PRDM16: variants seen among roughly 807,000 people sequenced by gnomAD.
The protein encoded by PRDM16 is histone-lysine N-methyltransferase PRDM16.
Under a neutral mutation model 110.6 loss-of-function variants are expected in PRDM16, and 23 were observed. That is an observed-to-expected ratio of 0.21 (90% CI 0.15 to 0.29). PRDM16 has a LOEUF of 0.29. PRDM16 is among the 10% of genes least tolerant of loss of function. The pLI is 1.00. For missense variants in PRDM16, 1,615 were observed against 1,794.3 expected, an observed-to-expected ratio of 0.90 and a Z score of 1.81; for synonymous variants, 799 against 781.8, an observed-to-expected ratio of 1.02 and a Z score of -0.37.
chr1:3,196,273 T>C (rs1156302825), intron 2 of PRDM16, among the ~76,000 whole-genome samples: 1 of 152,234 alleles, frequency 6.6e-6, no homozygotes, highest in African/African-American at 2.4e-5. Context: ...CAGTGCCTCA[T>C]GCTCCTGCCT....
At chr1:3,377,100 C>T (rs368209933) in intron 3 of PRDM16, among the ~76,000 whole-genome samples, 3 of 152,248 alleles carry the variant, frequency 2.0e-5, no homozygotes, top group East Asian at 1.9e-4. Flanking sequence ...GTGCCTATGA[C>T]AGCCCCATAG....
intron 1 of PRDM16, among the ~76,000 whole-genome samples, chr1:3,139,054 G>A (rs575780700): frequency 6.6e-6 from 1 of 152,178 alleles, no homozygotes; most frequent in African/African-American, 2.4e-5. Context: ...TTCAGTGGGG[G>A]CTTGGGGCCA....
chr1:3,132,115 T>G (rs1192334301), intron 1 of PRDM16, among the ~76,000 whole-genome samples: 5 of 152,288 alleles, frequency 3.3e-5, no homozygotes, highest in African/African-American at 1.2e-4. Context: ...GGGCACTTTT[T>G]AAAGGTTTAG....
At chr1:3,301,432 TG>T in intron 3 of PRDM16, among the ~76,000 whole-genome samples, 1 of 151,848 alleles carries the variant, frequency 6.6e-6, no homozygotes, top group Middle Eastern at 3.4e-3. Context: ...CATTTGTAGT[TG>T]GGGATATGTG....
chr1:3,195,494 A>C (rs888042119), intron 2 of PRDM16, among the ~76,000 whole-genome samples: 2 of 152,202 alleles, frequency 1.3e-5, no homozygotes, highest in Non-Finnish European at 2.9e-5. Context: ...TCACAAGCGA[A>C]AAAGGAAATA....
intron 1 of PRDM16, among the ~76,000 whole-genome samples, chr1:3,181,885 C>T (rs1232002256): frequency 3.8e-5 from 4 of 104,256 alleles, no homozygotes; most frequent in Admixed American, 2.1e-4. Flanking sequence ...GTCTTGCACA[C>T]GCAGTCTTAC....
intron 1 of PRDM16, among the ~76,000 whole-genome samples, chr1:3,181,666 A>ACG (rs200523426): frequency 3.1e-4 from 41 of 133,038 alleles, no homozygotes; most frequent in East Asian, 7.9e-4. Flanking sequence ...GGTCTTACAC[A>ACG]GTCTTACACG....
chr1:3,223,190 A>G (rs376750998), intron 2 of PRDM16, among the ~76,000 whole-genome samples: 7 of 142,826 alleles, frequency 4.9e-5, no homozygotes, highest in East Asian at 2.1e-4. Flanking sequence ...GCTCACTGCA[A>G]CCTCCGAAAA....
rs1569915487 is a variant in PRDM16, at chr1:3,245,284, T to C, written c.438+1147T>C. On this transcript the variant is annotated intron_variant, in intron 3 of 16. Transcript: ENST00000270722. The surrounding 1 kb of genome is among the most constrained non-coding windows in gnomAD (Gnocchi z 4.7). ...TTTTTCCCCCAAAGTCAAAGGAAAG[T>C]GCTGTGCTAGTCCTGCCAAACTCCC... Among the ~76,000 whole-genome samples, 1 of 152,224 alleles carries C rather than the reference T, an allele frequency of 6.6e-6. No individual in the cohort carries two copies. The highest frequency in any genetic ancestry group is 1.9e-4 in the East Asian group (1 of 5,162).
intron 3 of PRDM16, among the ~76,000 whole-genome samples, chr1:3,375,431 C>G (rs956873539): frequency 2.0e-5 from 3 of 152,246 alleles, no homozygotes; most frequent in African/African-American, 4.8e-5. Context: ...CCAGTGTGCT[C>G]CTTTATTTCT....
At chr1:3,176,359 G>A in intron 1 of PRDM16, among the ~76,000 whole-genome samples, 1 of 112,926 alleles carries the variant, frequency 8.9e-6, no homozygotes, top group African/African-American at 3.3e-5. Flanking sequence ...CTGTTCTCCT[G>A]GAGGCATTCA....
At chr1:3,321,574 GTGTT>G (rs150064778) in intron 3 of PRDM16, among the ~76,000 whole-genome samples, 3,935 of 151,582 alleles carry the variant, frequency 0.026, 278 homozygotes, top group East Asian at 0.23. Flanking sequence ...GTGTGTGAGA[GTGTT>G]TGGAGGTCAC....
chr1:3,346,233 C>T (rs1266593184), intron 3 of PRDM16, among the ~76,000 whole-genome samples: 1 of 152,226 alleles, frequency 6.6e-6, no homozygotes, highest in East Asian at 1.9e-4. Flanking sequence ...TCCCGTTGGC[C>T]CTGCCCCACG....
chr1:3,181,548 ACACG>A (rs149002142), intron 1 of PRDM16, among the ~76,000 whole-genome samples: 469 of 1,860 alleles, frequency 0.25, 155 homozygotes, highest in Admixed American at 0.32. Context: ...ACGGTCTTAC[ACACG>A]CAGTCTTACA....
Position 3,340,381 on chromosome 1 carries a change from G to A in PRDM16, c.439-44771G>A, listed in dbSNP as rs1032310761. 3.9e-5 allele frequency among the ~76,000 whole-genome samples: 6 copies of A among 152,178 alleles called. No homozygotes were observed. In the East Asian group the frequency reaches 7.7e-4, roughly 20 times the overall value. ...GATGGCACCAGTGTGAGGCAGGAGC[G>A]TTTACCTGATCCCCATCTCAGAGGT... On this transcript the variant is annotated intron_variant, in intron 3 of 16. Coordinates refer to ENST00000270722, the MANE Select transcript of PRDM16 (RefSeq NM_022114.4).
At chr1:3,236,643 G>T (rs1190495728) in intron 2 of PRDM16, among the ~76,000 whole-genome samples, 1 of 152,178 alleles carries the variant, frequency 6.6e-6, no homozygotes, top group Non-Finnish European at 1.5e-5. Flanking sequence ...AAAAGGGGCT[G>T]CCCAGCCCTG....
At chr1:3,310,893 G>A (rs1428468192) in intron 3 of PRDM16, among the ~76,000 whole-genome samples, 1 of 149,388 alleles carries the variant, frequency 6.7e-6, no homozygotes, top group Non-Finnish European at 1.5e-5. Context: ...GTGTGTGTGA[G>A]ACATGTGGGC....
chr1:3,200,802 G>A (rs1220801405), intron 2 of PRDM16, among the ~76,000 whole-genome samples: 2 of 152,144 alleles, frequency 1.3e-5, no homozygotes, highest in Non-Finnish European at 2.9e-5. Flanking sequence ...AGTGTCTCCT[G>A]CACCTAATCC....
intron 2 of PRDM16, among the ~76,000 whole-genome samples, chr1:3,223,983 T>A (rs1244270844): frequency 1.3e-5 from 2 of 152,152 alleles, no homozygotes; most frequent in African/African-American, 4.8e-5. Flanking sequence ...TTTTGGAAAT[T>A]TTATATATAA....
Sources: allele counts gnomAD v4.1 joint callset (sites outside exome capture counted in the v4.1 genomes callset), GRCh38; gene constraint gnomAD v4.1.1; non-coding constraint Gnocchi (gnomAD v3.1); transcripts MANE v1.5; gene names NCBI Gene and HGNC (gene_info 2026-07-23, HGNC 2026-07-21).